The following INPP5F variants were observed in gnomAD, a reference collection of about 807,000 sequenced individuals.
INPP5F encodes phosphatidylinositide 4-phosphatase SAC2.
INPP5F carries 97 observed loss-of-function variants against 137.2 expected under a neutral mutation model. The ratio of observed to expected loss-of-function variants is 0.71; its 90% CI spans 0.60 to 0.84. The LOEUF is 0.84. Among genes scored for constraint, INPP5F ranks in the 40% least tolerant of loss-of-function variants. The pLI is 0.00. For synonymous variants in INPP5F, 504 were observed against 476.9 expected (o/e 1.06, Z -0.74); for missense variants, 1,271 against 1,371.9 (o/e 0.93, Z 1.16).
At chr10:119,738,654 CA>C (rs1848285321) in intron 1 of INPP5F, among the ~76,000 whole-genome samples, 1 of 42,992 alleles carries the variant, frequency 2.3e-5, no homozygotes, top group Non-Finnish European at 4.9e-5. Flanking sequence ...TAAATACACA[CA>C]CACACACACA....
At chr10:119,767,522 A>G (rs1849210308) in intron 2 of INPP5F, among the ~76,000 whole-genome samples, 2 of 152,256 alleles carry the variant, frequency 1.3e-5, no homozygotes, top group Non-Finnish European at 2.9e-5. Flanking sequence ...AAAGGTATGT[A>G]TGGAACAAAT....
At chr10:119,730,267 G>A (rs1468935870) in intron 1 of INPP5F, among the ~76,000 whole-genome samples, 4 of 152,046 alleles carry the variant, frequency 2.6e-5, no homozygotes, top group South Asian at 2.1e-4. Flanking sequence ...CTGTCACCAC[G>A]CCTGGCAAGT....
chr10:119,821,978 C>T (rs193149172), intron 16 of INPP5F, among the ~76,000 whole-genome samples: 6 of 147,684 alleles, frequency 4.1e-5, no homozygotes, highest in East Asian at 2.0e-4. Flanking sequence ...AAGTGATTCT[C>T]CTCCTGGGTT....
chr10:119,748,405 T>G lies in INPP5F; in HGVS notation c.98-2671T>G, dbSNP rs1848600060. Among the ~76,000 whole-genome samples the G allele has an allele frequency of 6.6e-6, 1 of 152,216 alleles. No homozygotes were observed. Among genetic ancestry groups the G allele is most frequent in the Non-Finnish European group, 1.5e-5 (1 of 68,030 alleles). On this transcript the variant is annotated intron_variant, in intron 1 of 19. Coordinates refer to ENST00000650623, the MANE Select transcript of INPP5F (RefSeq NM_014937.4). The surrounding 1 kb of genome is among the most constrained non-coding windows in gnomAD (Gnocchi z 4.7). ...CCTTTCCTCCTTGTTGCCCACAACC[T>G]GGTGAGCAGGGGGCGTGTTTTGGTC...
At chr10:119,747,310 A>G (rs2134118873) in intron 1 of INPP5F, among the ~76,000 whole-genome samples, 1 of 150,100 alleles carries the variant, frequency 6.7e-6, no homozygotes, top group East Asian at 2.0e-4. Context: ...TGCAGCCTCC[A>G]CTCCTGGTTC....
intron 2 of INPP5F, among the ~76,000 whole-genome samples, chr10:119,776,868 A>G (rs550033783): frequency 1.8e-4 from 28 of 152,142 alleles, no homozygotes; most frequent in Admixed American, 5.2e-4. Context: ...CTCCCACCTC[A>G]GCCTCCTGAG....
intron 3 of INPP5F, among the ~76,000 whole-genome samples, chr10:119,783,619 G>A (rs1248119704): frequency 6.6e-6 from 1 of 152,144 alleles, no homozygotes; most frequent in Non-Finnish European, 1.5e-5. Context: ...AACCAAGATG[G>A]CTTTAGGAAC....
At chr10:119,739,974 C>T (rs1848327464) in intron 1 of INPP5F, among the ~76,000 whole-genome samples, 1 of 152,180 alleles carries the variant, frequency 6.6e-6, no homozygotes, top group African/African-American at 2.4e-5. Context: ...TGTAACTACA[C>T]ATGTATTAGA....
chr10:119,814,897 G>A (rs1179800827), intron 15 of INPP5F, among the ~76,000 whole-genome samples: 3 of 151,754 alleles, frequency 2.0e-5, no homozygotes, highest in Admixed American at 6.6e-5. Context: ...ACAGCGTCTC[G>A]CTCTGTCGCC....
intron 18 of INPP5F, 67 bp from the exon 19 acceptor site, chr10:119,823,748 G>A (rs1851653266): frequency 8.1e-7 from 1 of 1,236,928 alleles, no homozygotes; most frequent in Non-Finnish European, 1.2e-6. Context: ...CGCTAAATGG[G>A]TTAGAACTGC....
chr10:119,790,785 G>A (rs950204756), intron 3 of INPP5F, among the ~76,000 whole-genome samples: 1 of 152,234 alleles, frequency 6.6e-6, no homozygotes, highest in Non-Finnish European at 1.5e-5. Flanking sequence ...TGAGCTACAT[G>A]AAATTATATG....
rs199591475 is a variant in INPP5F at position 119,743,278 on chromosome 10, CAT to C, written c.98-7795_98-7794del. Among the ~76,000 whole-genome samples, 848 of 152,268 alleles carry C rather than the reference CAT, an allele frequency of 5.6e-3. 25 individuals carry two copies. The highest frequency in any genetic ancestry group is 0.053 in the Admixed American group (813 of 15,294). ...CAACTTGCCTCCCCCCTTTCTACAT[CAT>C]ATGTTTACCTATCCATTTGGGAGCC... On this transcript the variant is annotated intron_variant, in intron 1 of 19. Coordinates refer to ENST00000650623, the MANE Select transcript of INPP5F (RefSeq NM_014937.4).
intron 1 of INPP5F, among the ~76,000 whole-genome samples, chr10:119,728,968 C>T (rs1847970967): frequency 6.6e-6 from 1 of 152,206 alleles, no homozygotes; most frequent in African/African-American, 2.4e-5. Flanking sequence ...GCTGTATTTA[C>T]TCCTCATCTT....
Position 119,781,786 on chromosome 10 carries a change from G to T in INPP5F, c.315+15G>T. 1 of 1,576,476 alleles carries T rather than the reference G, an allele frequency of 6.3e-7. No homozygotes were observed. The highest frequency in any genetic ancestry group is 8.7e-7 in the Non-Finnish European group (1 of 1,154,698). On this transcript the variant is annotated intron_variant, in intron 3 of 19. Transcript: ENST00000650623. ...TTGAGCTAGAGGTAGGTGAAATAAA[G>T]GGAAATTATATGGAAACCTGATATA...
In INPP5F at chr10:119,820,835, T is replaced by G. The variant is rs375647260; in HGVS notation, c.1887-11T>G. The G allele has an allele frequency of 5.0e-6, 8 of 1,593,524 alleles. No individual in the cohort carries two copies. Among genetic ancestry groups the G allele is most frequent in the Non-Finnish European group, 6.9e-6 (8 of 1,161,286 alleles). ...TGAAAATACTTAATCTCCTGTGTCATATTTGTTTAGCCTCATTGATGCTAC... is the reference window on the plus strand; with the variant it reads ...TGAAAATACTTAATCTCCTGTGTCAGATTTGTTTAGCCTCATTGATGCTAC... On this transcript the variant is annotated splice_polypyrimidine_tract_variant and intron_variant, in intron 15 of 19. Coordinates refer to ENST00000650623, the MANE Select transcript of INPP5F (RefSeq NM_014937.4).
intron 2 of INPP5F, among the ~76,000 whole-genome samples, chr10:119,756,104 C>T (rs951414061): frequency 6.6e-6 from 1 of 151,866 alleles, no homozygotes; most frequent in African/African-American, 2.4e-5. Context: ...TGCAGTAAGC[C>T]AGGATCGCAC....
intron 2 of INPP5F, among the ~76,000 whole-genome samples, chr10:119,758,057 G>A (rs962171843): frequency 6.6e-6 from 1 of 152,208 alleles, no homozygotes; most frequent in African/African-American, 2.4e-5. Context: ...GGGGCTGTAG[G>A]TTGAACAAGC....
chr10:119,797,628 C>A lies in INPP5F; in HGVS notation c.1036C>A (p.Arg346=), dbSNP rs201393381. 1 of 1,609,102 alleles carries A rather than the reference C, an allele frequency of 6.2e-7. No individual in the cohort carries two copies. Among genetic ancestry groups the A allele is most frequent in the Non-Finnish European group, 8.5e-7 (1 of 1,177,846 alleles). Residue 346 remains arginine (R), a synonymous_variant, in exon 8 of 20, where the codon CGG becomes AGG. Coordinates refer to ENST00000650623, the MANE Select transcript of INPP5F (RefSeq NM_014937.4). The part of the protein sequence containing the change: ...QVGYRYNPRP[R]LDRSEKETVA... ...TGGGTATCGATATAACCCAAGACCG[C>A]GGCTGGACAGAAGTAAGCAGGTCAA...
At chr10:119,805,048 C>G (rs1222362078) in intron 10 of INPP5F, among the ~76,000 whole-genome samples, 2 of 152,046 alleles carry the variant, frequency 1.3e-5, no homozygotes, top group African/African-American at 2.4e-5. Context: ...TTTGATGGTG[C>G]CTTTAACGTG....
Sources: gnomAD v4.1 joint callset for allele counts (sites outside exome capture counted in the v4.1 genomes callset) on GRCh38, gnomAD v4.1.1 for gene constraint, Gnocchi (gnomAD v3.1) non-coding constraint, MANE v1.5 for transcripts, NCBI Gene and HGNC (gene_info 2026-07-23, HGNC 2026-07-21) for gene names.